The following SUPT3H variants were observed in gnomAD, a reference collection of about 807,000 sequenced individuals.
The protein encoded by SUPT3H is SPT3 homolog, SAGA and STAGA complex component.
SUPT3H carries 44 observed loss-of-function variants against 44.3 expected under a neutral mutation model. The observed-to-expected ratio is 0.99, with a 90% confidence interval of 0.78 to 1.28. The LOEUF (loss-of-function observed/expected upper bound fraction) is 1.28. Among genes scored for constraint, SUPT3H ranks in the 50% most tolerant of loss-of-function variants. The pLI is 0.00. For synonymous variants in SUPT3H, 124 were observed against 125.6 expected (o/e 0.99, Z 0.09); for missense variants, 380 against 387.1 (o/e 0.98, Z 0.15).
At chr6:45,371,412 A>C (rs1164924404) in intron 1 of SUPT3H, among the ~76,000 whole-genome samples, 3 of 135,774 alleles carry the variant, frequency 2.2e-5, no homozygotes, top group Non-Finnish European at 4.9e-5. Flanking sequence ...TTTTTTTTTC[A>C]CAATTACCCT....
chr6:45,160,307 T>C (rs533529769), intron 2 of SUPT3H, among the ~76,000 whole-genome samples: 3 of 152,134 alleles, frequency 2.0e-5, no homozygotes, highest in Non-Finnish European at 4.4e-5. Flanking sequence ...TACAAAAAGA[T>C]CTACAGCAAG....
intron 2 of SUPT3H, among the ~76,000 whole-genome samples, chr6:45,292,191 C>T (rs568295371): frequency 3.9e-5 from 6 of 152,192 alleles, no homozygotes; most frequent in African/African-American, 9.6e-5. Flanking sequence ...TGAAACTAAG[C>T]TTCATATATG....
At chr6:45,322,742 T>A in intron 2 of SUPT3H, 1 of 635,104 alleles carries the variant, frequency 1.6e-6, no homozygotes, top group Non-Finnish European at 2.8e-6. Context: ...TCAAGACATG[T>A]ATTCCTAAAA....
intron 2 of SUPT3H, among the ~76,000 whole-genome samples, chr6:45,204,636 TG>T (rs928521806): frequency 6.6e-6 from 1 of 152,168 alleles, no homozygotes; most frequent in South Asian, 2.1e-4. Context: ...ACATTTCATT[TG>T]GGGGGAAAAG....
intron 2 of SUPT3H, among the ~76,000 whole-genome samples, chr6:45,114,929 G>A (rs1405892901): frequency 6.6e-6 from 1 of 152,030 alleles, no homozygotes; most frequent in Non-Finnish European, 1.5e-5. Context: ...AGTAAAACTA[G>A]GACTTTTACC....
intron 1 of SUPT3H, among the ~76,000 whole-genome samples, chr6:45,373,866 A>T (rs959107433): frequency 2.6e-5 from 4 of 152,162 alleles, no homozygotes; most frequent in African/African-American, 7.2e-5. Context: ...GACTTACAAT[A>T]TTATTTGTAA....
chr6:45,007,049 T>C (rs1782815245), intron 5 of SUPT3H, among the ~76,000 whole-genome samples: 1 of 152,148 alleles, frequency 6.6e-6, no homozygotes, highest in African/African-American at 2.4e-5. Context: ...TATAGACAGA[T>C]ATCTTATCTT....
rs1250452975 is a variant in SUPT3H at position 44,998,841 on chromosome 6, GGTTTA to G, written c.504+4807_504+4811del. ...ATTTCTATGCTTTAGTTGAATGTTT[GGTTTA>G]TTTTCATTATTTCCAATTTAATAAT... On this transcript the variant is annotated intron_variant, in intron 6 of 10. Transcript: ENST00000371459. Among the ~76,000 whole-genome samples, 10 of 151,560 alleles carry G rather than the reference GGTTTA, an allele frequency of 6.6e-5. No homozygotes were observed. The East Asian group carries it at 1.7e-3, about 26-fold the overall frequency.
intron 2 of SUPT3H, among the ~76,000 whole-genome samples, chr6:45,204,351 G>T (rs1054015257): frequency 1.3e-5 from 2 of 151,994 alleles, no homozygotes; most frequent in African/African-American, 2.4e-5. Context: ...ATAAACATTT[G>T]ATAACTGCTA....
intron 2 of SUPT3H, among the ~76,000 whole-genome samples, chr6:45,217,302 C>T (rs898566014): frequency 3.3e-5 from 5 of 151,572 alleles, no homozygotes; most frequent in African/African-American, 1.2e-4. Context: ...TGATGAAACC[C>T]CATCTCTACT....
chr6:45,233,116 T>C (rs1768388851), intron 2 of SUPT3H, among the ~76,000 whole-genome samples: 1 of 152,164 alleles, frequency 6.6e-6, no homozygotes, highest in East Asian at 1.9e-4. Flanking sequence ...TTACGCGCTT[T>C]AGTTTTCTTT....
intron 3 of SUPT3H, among the ~76,000 whole-genome samples, chr6:45,072,689 C>T (rs1377572487): frequency 3.3e-5 from 5 of 151,956 alleles, no homozygotes; most frequent in African/African-American, 1.2e-4. Context: ...TTAAAGTATT[C>T]GTAAAATGTT....
At chr6:45,007,489 G>A (rs887709159) in intron 5 of SUPT3H, among the ~76,000 whole-genome samples, 3 of 151,568 alleles carry the variant, frequency 2.0e-5, no homozygotes, top group African/African-American at 4.9e-5. Context: ...GATAACTATT[G>A]CATTTTATTC....
intron 3 of SUPT3H, among the ~76,000 whole-genome samples, chr6:45,089,042 T>C (rs1216324152): frequency 1.3e-5 from 2 of 152,054 alleles, no homozygotes; most frequent in African/African-American, 2.4e-5. Context: ...GATATGGACT[T>C]CAAAATATCA....
chr6:44,965,577 C>A (rs1776656899), intron 6 of SUPT3H, among the ~76,000 whole-genome samples: 1 of 145,136 alleles, frequency 6.9e-6, no homozygotes, highest in South Asian at 2.2e-4. Flanking sequence ...ATTCCTCTCT[C>A]TTCCCCTGAA....
At chr6:44,885,051 T>C (rs1283188422) in intron 10 of SUPT3H, among the ~76,000 whole-genome samples, 1 of 152,044 alleles carries the variant, frequency 6.6e-6, no homozygotes, top group Middle Eastern at 3.2e-3. Context: ...AAGGCGGCAG[T>C]GAGGCTGGGG....
intron 2 of SUPT3H, among the ~76,000 whole-genome samples, chr6:45,141,547 G>C (rs954001605): frequency 1.3e-5 from 2 of 151,574 alleles, no homozygotes; most frequent in Non-Finnish European, 2.9e-5. Flanking sequence ...GACACACTTA[G>C]AGAAACACAA....
intron 3 of SUPT3H, among the ~76,000 whole-genome samples, chr6:45,086,633 G>C (rs559751958): frequency 1.3e-5 from 2 of 151,906 alleles, no homozygotes; most frequent in South Asian, 4.1e-4. Context: ...ACTCCCTCCA[G>C]CAATTCTTCC....
At chr6:45,271,985 A>G (rs1038228469) in intron 2 of SUPT3H, among the ~76,000 whole-genome samples, 1 of 152,192 alleles carries the variant, frequency 6.6e-6, no homozygotes, top group African/African-American at 2.4e-5. Context: ...CAGGGCCTGT[A>G]GCCCCTTTGT....
Sources: gnomAD v4.1 joint callset for allele counts (sites outside exome capture counted in the v4.1 genomes callset) on GRCh38, gnomAD v4.1.1 for gene constraint, MANE v1.5 for transcripts, NCBI Gene and HGNC (gene_info 2026-07-23, HGNC 2026-07-21) for gene names.